The following PCIF1 variants were observed in gnomAD, a reference collection of about 807,000 sequenced individuals.
PCIF1 encodes the protein mRNA (2'-O-methyladenosine-N(6)-)-methyltransferase.
A neutral mutation model predicts 86.9 loss-of-function variants in PCIF1; 12 were observed. The ratio of observed to expected loss-of-function variants is 0.14; its 90% CI spans 0.09 to 0.22. The LOEUF is 0.22. Among genes scored for constraint, PCIF1 ranks in the 10% least tolerant of loss-of-function variants. The probability of loss-of-function intolerance (pLI) is 1.00; values close to 1 mark genes in which losing one functional copy is unlikely to be tolerated. For synonymous variants in PCIF1, 397 were observed against 372.0 expected (o/e 1.07, Z -0.77); for missense variants, 701 against 951.1 (o/e 0.74, Z 3.46).
In PCIF1 at chr20:45,943,101, TG is replaced by T. The variant is rs1568794495; in HGVS notation, c.679del (p.Glu227SerfsTer17). On this transcript the variant is annotated frameshift_variant, in exon 8 of 17. Coordinates refer to ENST00000372409, the MANE Select transcript of PCIF1 (RefSeq NM_022104.4). LOFTEE classifies it high-confidence loss of function. This position sits in a 1 kb window ranked among gnomAD's most constrained non-coding sequence, Gnocchi z 5.5. ...RELCQQREGI[E>X]PPRESFNRWM... Reference sequence around the variant, plus strand: ...AGCAGCTCTCCTGTCCTGCAGGCATTGAGCCTCCACGGGAGTCTTTCAACCG... The same window carrying T: ...AGCAGCTCTCCTGTCCTGCAGGCATTAGCCTCCACGGGAGTCTTTCAACCG... 1 of 1,613,816 alleles carries T rather than the reference TG, an allele frequency of 6.2e-7. No individual in the cohort carries two copies.
In PCIF1 at chr20:45,946,013, C is replaced by G. The variant is rs781173237; in HGVS notation, c.1342-16C>G. 9 of 1,614,068 alleles carry G rather than the reference C, an allele frequency of 5.6e-6. No homozygotes were observed. The East Asian group carries it at 1.8e-4, about 32-fold the overall frequency. On this transcript the variant is annotated splice_polypyrimidine_tract_variant and intron_variant, in intron 12 of 16. Coordinates refer to ENST00000372409, the MANE Select transcript of PCIF1 (RefSeq NM_022104.4). Reference sequence around the variant, plus strand: ...GAGCACTGCTGAAGGCTCCTCCTCTCTGTCCCGCTCCACAGTGGCTCCTTT... The same window carrying G: ...GAGCACTGCTGAAGGCTCCTCCTCTGTGTCCCGCTCCACAGTGGCTCCTTT...
At chr20:45,946,477 T>C (rs1304670842) in intron 14 of PCIF1, 93 bp downstream of exon 14, 3 of 1,429,436 alleles carry the variant, frequency 2.1e-6, no homozygotes, top group Admixed American at 3.6e-5. Flanking sequence ...TCAGGCAGGC[T>C]TGGGTGGAGT....
rs746707930 is a variant in PCIF1, at chr20:45,947,298, C to T, written c.1743C>T (p.Phe581=). 5.2e-5 allele frequency: 84 copies of T among 1,613,888 alleles called. No homozygotes were observed. The highest frequency in any genetic ancestry group is 6.6e-5 in the Non-Finnish European group (78 of 1,179,934). The change falls in exon 16 of 17, where the codon TTC becomes TTT. Residue 581 remains phenylalanine, a synonymous_variant. Transcript: ENST00000372409. The surrounding 1 kb of genome is among the most constrained non-coding windows in gnomAD (Gnocchi z 5.4). ...LLESSPEPLS[F]IVFIPEWREP... ...AGAGCTCACCGGAGCCCCTGTCCTT[C>T]ATCGTGTTCATCCCTGAGTGGCGGG...
chr20:45,941,048 C>G lies in PCIF1; in HGVS notation c.519-5C>G. On this transcript the variant is annotated splice_polypyrimidine_tract_variant and splice_region_variant and intron_variant, in intron 6 of 16. Coordinates refer to ENST00000372409, the MANE Select transcript of PCIF1 (RefSeq NM_022104.4). Reference sequence around the variant, plus strand: ...CATCCTCATCACTCCTCTCTGTGCCCCAAGGGTCTACTGGGACCTGGACAT... The same window carrying G: ...CATCCTCATCACTCCTCTCTGTGCCGCAAGGGTCTACTGGGACCTGGACAT... 1.2e-6 allele frequency: 2 copies of G among 1,614,148 alleles called. No individual in the cohort carries two copies. Among genetic ancestry groups the G allele is most frequent in the Non-Finnish European group, 1.7e-6 (2 of 1,180,006 alleles).
At position 45,943,222 on chromosome 20, in the gene PCIF1, A is replaced by G; in HGVS notation, c.799A>G (p.Ile267Val). ...PVVSPSMFRE[I>V]MNDIPIRLSR... ...CGTGTCACCTTCCATGTTTCGTGAA[A>G]TCATGAACGACATTCCTATCAGGTA... Residue 267 changes from isoleucine to valine, a missense_variant, in exon 8 of 17, where the codon ATC (isoleucine) becomes GTC (valine). Physicochemically the swap from Ile to Val is conservative, Grantham distance 29. Transcript: ENST00000372409. This position sits in a 1 kb window ranked among gnomAD's most constrained non-coding sequence, Gnocchi z 5.5. 1 of 1,614,136 alleles carries G rather than the reference A, an allele frequency of 6.2e-7. No homozygotes were observed. Among genetic ancestry groups the G allele is most frequent in the Non-Finnish European group, 8.5e-7 (1 of 1,180,032 alleles).
chr20:45,945,658 G>A, intron 11 of PCIF1, 53 bp from the exon 12 acceptor site: 1 of 1,584,080 alleles, frequency 6.3e-7, no homozygotes. Context: ...GCCCACAGTG[G>A]CTGCAGCGTG....
rs2083520243 is a variant in PCIF1, at chr20:45,945,851, G to A, written c.1309G>A (p.Val437Ile). The A allele has an allele frequency of 5.6e-6, 9 of 1,613,844 alleles. No homozygotes were observed. Among genetic ancestry groups the A allele is most frequent in the Non-Finnish European group, 6.8e-6 (8 of 1,180,046 alleles). ...VVCIRYKGEM[V>I]KVSRNYFSKL... ...CTGCATCCGGTATAAGGGAGAGATG[G>A]TCAAGGTCAGCCGCAACTACTTCAG... Residue 437 changes from valine (V) to isoleucine (I), a missense_variant, in exon 12 of 17, where the codon GTC becomes ATC. Coordinates refer to ENST00000372409, the MANE Select transcript of PCIF1 (RefSeq NM_022104.4).
intron 10 of PCIF1, among the ~76,000 whole-genome samples, chr20:45,944,262 G>T (rs1296681977): frequency 2.0e-5 from 3 of 152,162 alleles, no homozygotes; most frequent in Non-Finnish European, 4.4e-5. Context: ...TTTCACAAGA[G>T]ACAAGGTTTC....
chr20:45,946,417 C>A (rs1375878749), intron 14 of PCIF1, 33 bp downstream of exon 14: 1 of 1,603,796 alleles, frequency 6.2e-7, no homozygotes. Flanking sequence ...CTACCCAGGC[C>A]AGGGAAGAGG....
rs375505997 is a variant in PCIF1, at chr20:45,943,323, C to T, written c.822-17C>T. ...CATGTATAGAAGGCCTCTAACTCTG[C>T]CCACTCTGAAACGCAGGTTATCCCG... On this transcript the variant is annotated splice_polypyrimidine_tract_variant and intron_variant, in intron 8 of 16. Transcript: ENST00000372409. This position sits in a 1 kb window ranked among gnomAD's most constrained non-coding sequence, Gnocchi z 5.5. 7.1e-5 allele frequency: 114 copies of T among 1,613,964 alleles called. No individual in the cohort carries two copies. In the African/African-American group the frequency reaches 1.2e-3, roughly 16 times the overall value.
intron 7 of PCIF1, among the ~76,000 whole-genome samples, chr20:45,942,777 T>C (rs918982285): frequency 2.9e-5 from 4 of 137,336 alleles, no homozygotes; most frequent in East Asian, 2.0e-4. Context: ...TTTTTTTTTT[T>C]TTTTTTTTTT....
intron 7 of PCIF1, among the ~76,000 whole-genome samples, chr20:45,942,758 G>A (rs984761901): frequency 7.4e-6 from 1 of 135,340 alleles, no homozygotes; most frequent in Non-Finnish European, 1.6e-5. Context: ...GGGACACCCA[G>A]CTAATTTCTT....
Position 45,943,400 on chromosome 20 carries a change from C to T in PCIF1, c.882C>T (p.Ala294=), listed in dbSNP as rs779190135. The T allele has an allele frequency of 1.4e-5, 22 of 1,613,466 alleles. No homozygotes were observed. Among genetic ancestry groups the T allele is most frequent in the Admixed American group, 1.2e-4 (7 of 59,998 alleles). ...GCCTGCTCTTTAAATATGCGGAGGC[C>T]GCCAGGCGGCTCATCGAGTCCAGGT... ...AKRLLFKYAE[A]ARRLIESRSA... is the part of the protein sequence containing the mutation. Residue 294 remains alanine, a synonymous_variant, in exon 9 of 17, where the codon GCC becomes GCT. Coordinates refer to ENST00000372409, the MANE Select transcript of PCIF1 (RefSeq NM_022104.4). This position sits in a 1 kb window ranked among gnomAD's most constrained non-coding sequence, Gnocchi z 5.5.
At chr20:45,945,934 A>G in intron 12 of PCIF1, 51 bp downstream of exon 12, 2 of 1,613,022 alleles carry the variant, frequency 1.2e-6, no homozygotes, top group African/African-American at 1.3e-5. Context: ...GTCAGGGCCT[A>G]GGATCTTTCC....
intron 1 of PCIF1, among the ~76,000 whole-genome samples, chr20:45,936,275 T>C (rs1010151707): frequency 3.3e-5 from 5 of 151,794 alleles, no homozygotes; most frequent in African/African-American, 1.2e-4. Flanking sequence ...CCTGGGTTCA[T>C]GCCATTCTTC....
chr20:45,947,762 C>T lies in PCIF1; in HGVS notation c.*7C>T, dbSNP rs1264842152. 1 of 1,593,302 alleles carries T rather than the reference C, an allele frequency of 6.3e-7. No homozygotes were observed. Among genetic ancestry groups the T allele is most frequent in the Admixed American group, 1.7e-5 (1 of 57,746 alleles). ...CGAGCCTCACCCCACTTAACATATC[C>T]TGCGGGGAGGAGGAGCCCCAGGGGT... On this transcript the variant is annotated 3_prime_UTR_variant, in exon 17 of 17. Transcript: ENST00000372409. The surrounding 1 kb of genome is among the most constrained non-coding windows in gnomAD (Gnocchi z 5.4).
At position 45,939,380 on chromosome 20, in the gene PCIF1, C is replaced by G. The variant is rs372279147; in HGVS notation, c.249+41C>G. The G allele has an allele frequency of 1.9e-5, 31 of 1,609,356 alleles. No homozygotes were observed. In the African/African-American group the frequency reaches 3.5e-4, roughly 18 times the overall value. ...GGGTGGGGGGGTCTCAGAGTGGCCT[C>G]TGGCACCTGGGCCTTCCCCAAATGT... On this transcript the variant is annotated intron_variant, in intron 4 of 16. Transcript: ENST00000372409.
rs1355121511 is a variant in PCIF1, at chr20:45,947,335, C to G, written c.1780C>G (p.Pro594Ala). The G allele has an allele frequency of 1.2e-6, 2 of 1,613,968 alleles. No homozygotes were observed. Among genetic ancestry groups the G allele is most frequent in the East Asian group, 4.5e-5 (2 of 44,884 alleles). Reference sequence around the variant, plus strand: ...CCCTGAGTGGCGGGAACCCCCAACACCAGCGCTCACCCGCATGGAGCAGAG... The same window carrying G: ...CCCTGAGTGGCGGGAACCCCCAACAGCAGCGCTCACCCGCATGGAGCAGAG... Reference protein sequence around the residue: ...FIPEWREPPTPALTRMEQSRF... With the variant: ...FIPEWREPPTAALTRMEQSRF... The change falls in exon 16 of 17, where the codon CCA becomes GCA. Residue 594 changes from proline to alanine, a missense_variant. Pro to Ala is a conservative substitution (Grantham distance 27, BLOSUM62 -1). This residue lies in a region of PCIF1 where 174 missense variants were observed against 206.9 expected (regional missense o/e 0.84). Transcript: ENST00000372409. The surrounding 1 kb of genome is among the most constrained non-coding windows in gnomAD (Gnocchi z 5.4).
rs1218427480 is a variant in PCIF1, at chr20:45,947,428, A to G, written c.1873A>G (p.Ile625Val). The change falls in exon 16 of 17, where the codon ATC (isoleucine) becomes GTC (valine). Residue 625 changes from isoleucine to valine, a missense_variant. Coordinates refer to ENST00000372409, the MANE Select transcript of PCIF1 (RefSeq NM_022104.4). The surrounding 1 kb of genome is among the most constrained non-coding windows in gnomAD (Gnocchi z 5.4). ...TGAGTACCGCAGTGGCTCCCAGCAC[A>G]TCTGCAAGAAGTGGGTGCCAGGGAG... ...EHEYRSGSQH[I>V]CKKEEMHYKA... 1.2e-6 allele frequency: 2 copies of G among 1,613,738 alleles called. No individual in the cohort carries two copies. Among genetic ancestry groups the G allele is most frequent in the Admixed American group, 1.7e-5 (1 of 60,006 alleles).
Sources: gnomAD v4.1 joint callset for allele counts (sites outside exome capture counted in the v4.1 genomes callset) on GRCh38, gnomAD v4.1.1 for gene constraint, gnomAD v4.1.1 regional missense constraint, Gnocchi (gnomAD v3.1) non-coding constraint, MANE v1.5 for transcripts, NCBI Gene and HGNC (gene_info 2026-07-23, HGNC 2026-07-21) for gene names.